Variants in CAMK4 observed in about 807,000 individuals in gnomAD.
CAMK4 encodes the protein calcium/calmodulin dependent protein kinase IV, also known as calcium/calmodulin-dependent protein kinase type IV.
A neutral mutation model predicts 44.9 loss-of-function variants in CAMK4; 22 were observed. The observed-to-expected ratio is 0.49, with a 90% confidence interval of 0.35 to 0.70. CAMK4 has a LOEUF of 0.70. CAMK4 is among the 30% of genes least tolerant of loss of function. The probability of loss-of-function intolerance (pLI) is 0.01; values close to 1 mark genes in which losing one functional copy is unlikely to be tolerated. For synonymous variants in CAMK4, 218 were observed against 215.4 expected (o/e 1.01, Z -0.11); for missense variants, 498 against 586.8 (o/e 0.85, Z 1.56).
chr5:111,336,334 T>C (rs1429731735), intron 1 of CAMK4, among the ~76,000 whole-genome samples: 1 of 151,278 alleles, frequency 6.6e-6, no homozygotes, highest in Non-Finnish European at 1.5e-5. Context: ...TACAAGATGT[T>C]CTTTCTGTAT....
At chr5:111,295,057 A>G (rs1173322183) in intron 1 of CAMK4, among the ~76,000 whole-genome samples, 1 of 152,260 alleles carries the variant, frequency 6.6e-6, no homozygotes, top group Non-Finnish European at 1.5e-5. Context: ...ACAGATTTAA[A>G]TTTCAAATTA....
chr5:111,351,179 T>C (rs1580634554), intron 2 of CAMK4, among the ~76,000 whole-genome samples: 1 of 152,152 alleles, frequency 6.6e-6, no homozygotes, highest in Non-Finnish European at 1.5e-5. Flanking sequence ...TTTGTAACTT[T>C]TACATCTCAT....
intron 1 of CAMK4, among the ~76,000 whole-genome samples, chr5:111,278,678 G>C (rs1750874840): frequency 6.6e-6 from 1 of 152,222 alleles, no homozygotes; most frequent in South Asian, 2.1e-4. Flanking sequence ...GTTTTTATTT[G>C]GCAATTGAGT....
intron 1 of CAMK4, among the ~76,000 whole-genome samples, chr5:111,294,233 T>G (rs1747396315): frequency 6.6e-6 from 1 of 152,194 alleles, no homozygotes; most frequent in African/African-American, 2.4e-5. Flanking sequence ...ATAGGAAAGT[T>G]AAGAACTGCA....
rs1333185031 is a variant in CAMK4, at chr5:111,446,802, G to T, written c.550+26G>T. 3 of 1,438,450 alleles carry T rather than the reference G, an allele frequency of 2.1e-6. No homozygotes were observed. In the South Asian group the frequency reaches 3.4e-5, roughly 16 times the overall value. The allele number at this position is 1,438,450 out of a possible 1,614,324, so 89.1% of individuals were successfully genotyped here. A position where few individuals can be genotyped will look rare whatever the true frequency, so the allele number is the denominator to read the frequency against. ...GTGAGAACATTTCTTCTTGTTTTGT[G>T]ACCCCTTTTTTCAGAGCAGAAAAAA... is the stretch of plus-strand genomic sequence containing the variant. On this transcript the variant is annotated intron_variant, in intron 6 of 10. Coordinates refer to ENST00000282356, the MANE Select transcript of CAMK4 (RefSeq NM_001744.6).
At chr5:111,471,080 T>A (rs569082897) in intron 7 of CAMK4, among the ~76,000 whole-genome samples, 1 of 152,346 alleles carries the variant, frequency 6.6e-6, no homozygotes, top group African/African-American at 2.4e-5. Context: ...GTTGAAGCCA[T>A]GTTTTATCTC....
At chr5:111,310,052 C>T (rs904739512) in intron 1 of CAMK4, among the ~76,000 whole-genome samples, 2 of 152,124 alleles carry the variant, frequency 1.3e-5, no homozygotes. Context: ...TTTACTGACA[C>T]CGTTTCATGA....
intron 1 of CAMK4, among the ~76,000 whole-genome samples, chr5:111,254,559 C>T (rs1210266637): frequency 6.6e-6 from 1 of 152,166 alleles, no homozygotes; most frequent in Non-Finnish European, 1.5e-5. Context: ...GATGTTCATG[C>T]AGAATGTGAA....
At chr5:111,419,337 A>T (rs1752934971) in intron 5 of CAMK4, among the ~76,000 whole-genome samples, 1 of 152,128 alleles carries the variant, frequency 6.6e-6, no homozygotes, top group African/African-American at 2.4e-5. Context: ...TAGATTCTGG[A>T]TATTAGCCCT....
intron 4 of CAMK4, among the ~76,000 whole-genome samples, chr5:111,383,364 G>A (rs190972398): frequency 3.2e-4 from 49 of 152,326 alleles, no homozygotes; most frequent in African/African-American, 1.2e-3. Context: ...GAATAAGTTG[G>A]AAGACACTGT....
At chr5:111,427,956 A>G (rs1419658423) in intron 5 of CAMK4, among the ~76,000 whole-genome samples, 1 of 152,260 alleles carries the variant, frequency 6.6e-6, no homozygotes, top group Non-Finnish European at 1.5e-5. Flanking sequence ...GCTGGCTTCA[A>G]GTCTGGCCCA....
chr5:111,402,674 T>A lies in CAMK4; in HGVS notation c.459+7892T>A, dbSNP rs1460810186. Among the ~76,000 whole-genome samples the A allele has an allele frequency of 3.9e-5, 6 of 152,222 alleles. No homozygotes were observed. In the East Asian group the frequency reaches 5.8e-4, roughly 15 times the overall value. On this transcript the variant is annotated intron_variant, in intron 5 of 10. Coordinates refer to ENST00000282356, the MANE Select transcript of CAMK4 (RefSeq NM_001744.6). Reference sequence around the variant, plus strand: ...GCAGCTAGGGCAAGGTCATATTACCTGACTGTGCCCAGTGAGTTCCTTGGG... The same window carrying A: ...GCAGCTAGGGCAAGGTCATATTACCAGACTGTGCCCAGTGAGTTCCTTGGG...
At chr5:111,394,857 C>A in intron 5 of CAMK4, 75 bp downstream of exon 5, 2 of 950,606 alleles carry the variant, frequency 2.1e-6, no homozygotes, top group Non-Finnish European at 3.4e-6. Flanking sequence ...TTAAGAAATG[C>A]GCATCTGTGA....
In CAMK4 at chr5:111,493,815, T is replaced by C. The variant is rs895770882; in HGVS notation, c.*9349T>C. 6.6e-6 allele frequency: 1 copy of C among 152,200 alleles called. No individual in the cohort carries two copies. Among genetic ancestry groups the C allele is most frequent in the Non-Finnish European group, 1.5e-5 (1 of 68,026 alleles). The allele number at this position is 152,200 out of a possible 1,614,324, so 9.4% of individuals were successfully genotyped here. A position where few individuals can be genotyped will look rare whatever the true frequency, so the allele number is the denominator to read the frequency against. The stretch of plus-strand genomic sequence containing the variant: ...TGTACTTTTAGTTGTCTTGCCTCTT[T>C]ATTTCAGATAATGCCTGTGATTAGT... On this transcript the variant is annotated 3_prime_UTR_variant, in exon 11 of 11. Coordinates refer to ENST00000282356, the MANE Select transcript of CAMK4 (RefSeq NM_001744.6). This position sits in a 1 kb window ranked among gnomAD's most constrained non-coding sequence, Gnocchi z 4.1.
At chr5:111,475,913 G>T (rs1244662270) in intron 8 of CAMK4, among the ~76,000 whole-genome samples, 3 of 152,144 alleles carry the variant, frequency 2.0e-5, no homozygotes, top group Non-Finnish European at 4.4e-5. Flanking sequence ...CACCAGAGTG[G>T]CTTGGAGACA....
intron 1 of CAMK4, among the ~76,000 whole-genome samples, chr5:111,245,385 TTTTATTATTGGTAAAAGGGAAAA>T (rs1317461125): frequency 1.3e-5 from 2 of 152,198 alleles, no homozygotes; most frequent in Non-Finnish European, 1.5e-5. Context: ...TAGCAGAAAT[TTTTATTATTGGTAAAAGGGAAAA>T]TTGCAAGTGT....
intron 1 of CAMK4, among the ~76,000 whole-genome samples, chr5:111,249,666 A>ATATATGTG (rs1242789662): frequency 7.1e-5 from 10 of 140,684 alleles, no homozygotes; most frequent in South Asian, 2.3e-4. Context: ...GTGTATATAT[A>ATATATGTG]TGTGTGTGTG....
chr5:111,407,552 C>T (rs186620098), intron 5 of CAMK4, among the ~76,000 whole-genome samples: 7 of 152,124 alleles, frequency 4.6e-5, no homozygotes, highest in Middle Eastern at 3.4e-3. Context: ...AAAAAATGCT[C>T]ATTCCAAACA....
At chr5:111,224,071 C>A (rs1398621382), upstream of CAMK4, 6 of 168,318 alleles carry the variant, frequency 3.6e-5, no homozygotes, top group Non-Finnish European at 6.2e-5. The surrounding 1 kb of genome is among the most constrained non-coding windows in gnomAD (Gnocchi z 5.7). Flanking sequence ...ATGCGCGGGT[C>A]CTTGTGCCTT....
Sources: allele counts gnomAD v4.1 joint callset (sites outside exome capture counted in the v4.1 genomes callset), GRCh38; gene constraint gnomAD v4.1.1; non-coding constraint Gnocchi (gnomAD v3.1); transcripts MANE v1.5; gene names NCBI Gene and HGNC (gene_info 2026-07-23, HGNC 2026-07-21).